Variants in PTPRM observed in about 807,000 individuals in gnomAD.
PTPRM encodes protein tyrosine phosphatase receptor type M.
In PTPRM, 47 loss-of-function variants were observed where a neutral mutation model predicts 186.7. That is an observed-to-expected ratio of 0.25 (90% CI 0.20 to 0.32). The LOEUF (loss-of-function observed/expected upper bound fraction) is 0.32, where lower values mean the gene tolerates loss of function less well. Among genes scored for constraint, PTPRM ranks in the 10% least tolerant of loss-of-function variants. The pLI is 1.00. For missense variants in PTPRM, 1,494 were observed against 1,865.0 expected (o/e 0.80, Z 3.66); for synonymous variants, 668 against 674.9 (o/e 0.99, Z 0.16).
chr18:8,105,248 C>T (rs934473788), intron 11 of PTPRM, among the ~76,000 whole-genome samples: 1 of 152,118 alleles, frequency 6.6e-6, no homozygotes, highest in Admixed American at 6.6e-5. Context: ...TGCCAGATCC[C>T]TTACTATCAC....
intron 4 of PTPRM, among the ~76,000 whole-genome samples, chr18:7,920,440 A>T (rs2050792896): frequency 6.6e-6 from 1 of 152,142 alleles, no homozygotes; most frequent in African/African-American, 2.4e-5. Context: ...CTTATCTTTG[A>T]TGACAAATAA....
intron 1 of PTPRM, among the ~76,000 whole-genome samples, chr18:7,619,581 A>G (rs921129559): frequency 3.3e-5 from 5 of 152,206 alleles, no homozygotes; most frequent in African/African-American, 1.2e-4. Context: ...GCTTTAAGAA[A>G]TCACTTGTTG....
At chr18:7,772,450 CTTCCTTCCTTCCTTCCTTCCTT>C (rs1568109206) in intron 1 of PTPRM, among the ~76,000 whole-genome samples, 2 of 27,020 alleles carry the variant, frequency 7.4e-5, no homozygotes, top group African/African-American at 2.2e-4. Context: ...CTTCCCCTTC[CTTCCTTCCTTCCTTCCTTCCTT>C]CCTTCCTTCC....
At chr18:8,291,708 A>G (rs2095044977) in intron 19 of PTPRM, among the ~76,000 whole-genome samples, 1 of 152,232 alleles carries the variant, frequency 6.6e-6, no homozygotes, top group Admixed American at 6.5e-5. Flanking sequence ...TTATTAAAAG[A>G]TATTTAAAAG....
At chr18:8,232,362 C>T (rs1319862101) in intron 14 of PTPRM, among the ~76,000 whole-genome samples, 1 of 152,146 alleles carries the variant, frequency 6.6e-6, no homozygotes, top group Non-Finnish European at 1.5e-5. Flanking sequence ...TATTGAAGGA[C>T]AGCTTGGTTT....
intron 22 of PTPRM, among the ~76,000 whole-genome samples, chr18:8,320,968 A>G (rs2095342157): frequency 6.6e-6 from 1 of 152,132 alleles, no homozygotes; most frequent in South Asian, 2.1e-4. Flanking sequence ...GCTCTTACAT[A>G]TGGGATAGAA....
At chr18:8,320,512 G>A (rs2095339163) in intron 22 of PTPRM, among the ~76,000 whole-genome samples, 1 of 152,178 alleles carries the variant, frequency 6.6e-6, no homozygotes, top group Admixed American at 6.5e-5. Flanking sequence ...TGTGGCTCCT[G>A]CATACTTGAA....
chr18:8,378,488 G>T, intron 27 of PTPRM, 74 bp downstream of exon 27: 1 of 1,533,388 alleles, frequency 6.5e-7, no homozygotes, highest in Non-Finnish European at 8.9e-7. Context: ...CAGCACCTGA[G>T]TGAGCCCTTG....
At chr18:7,749,896 A>C (rs1046602916) in intron 1 of PTPRM, among the ~76,000 whole-genome samples, 1 of 152,204 alleles carries the variant, frequency 6.6e-6, no homozygotes, top group Admixed American at 6.5e-5. Context: ...ACAAGCATTT[A>C]AAAAATTCAG....
In PTPRM at chr18:7,706,984, T is replaced by C. The variant is rs529843528; in HGVS notation, c.74-67165T>C. On this transcript the variant is annotated intron_variant, in intron 1 of 32. Transcript: ENST00000580170. ...TGGGGGATAGGGGTGAGTTGGGGTG[T>C]GGACATGAAACAAATACAAACATTG... Among the ~76,000 whole-genome samples the C allele has an allele frequency of 3.3e-5, 5 of 152,166 alleles. No individual in the cohort carries two copies. The South Asian group carries it at 1.0e-3, about 32-fold the overall frequency.
At chr18:8,301,490 G>A (rs2095157420) in intron 20 of PTPRM, among the ~76,000 whole-genome samples, 1 of 152,202 alleles carries the variant, frequency 6.6e-6, no homozygotes, top group South Asian at 2.1e-4. Flanking sequence ...TCTAGGGACT[G>A]GCAATTGGAG....
chr18:7,579,771 G>C (rs1293363489), intron 1 of PTPRM, among the ~76,000 whole-genome samples: 1 of 152,192 alleles, frequency 6.6e-6, no homozygotes, highest in East Asian at 1.9e-4. Flanking sequence ...GATCTGCAAA[G>C]TATTTTGGGA....
intron 7 of PTPRM, among the ~76,000 whole-genome samples, chr18:8,039,197 T>G (rs1373172779): frequency 6.6e-6 from 1 of 152,172 alleles, no homozygotes; most frequent in Non-Finnish European, 1.5e-5. Flanking sequence ...TATATTATTT[T>G]ATATGCATAT....
At chr18:8,312,113 C>T (rs192988434) in intron 20 of PTPRM, among the ~76,000 whole-genome samples, 15 of 152,314 alleles carry the variant, frequency 9.8e-5, no homozygotes, top group African/African-American at 3.1e-4. Context: ...GAGGAGCTGA[C>T]GAAAGCCCAG....
chr18:8,162,615 G>T (rs523927), intron 14 of PTPRM, among the ~76,000 whole-genome samples: 5,726 of 152,232 alleles, frequency 0.038, 174 homozygotes, highest in Non-Finnish European at 0.061. Context: ...GGTGACCAAG[G>T]CCGGAGACCC....
At chr18:8,307,012 T>C (rs2147971752) in intron 20 of PTPRM, among the ~76,000 whole-genome samples, 1 of 152,358 alleles carries the variant, frequency 6.6e-6, no homozygotes, top group East Asian at 1.9e-4. Context: ...ATCCATATAC[T>C]GATTTATTTG....
intron 7 of PTPRM, among the ~76,000 whole-genome samples, chr18:8,002,354 G>T (rs1208539629): frequency 6.6e-6 from 1 of 152,180 alleles, no homozygotes; most frequent in African/African-American, 2.4e-5. Context: ...TTCCTTACCA[G>T]GTATGATTTG....
At chr18:7,889,974 C>T (rs1203285244) in intron 3 of PTPRM, among the ~76,000 whole-genome samples, 1 of 152,222 alleles carries the variant, frequency 6.6e-6, no homozygotes, top group Non-Finnish European at 1.5e-5. Flanking sequence ...GGTACCAAAG[C>T]AGTTCTGACG....
intron 19 of PTPRM, among the ~76,000 whole-genome samples, chr18:8,283,104 G>GT (rs1281017694): frequency 3.9e-5 from 6 of 151,916 alleles, no homozygotes; most frequent in Non-Finnish European, 7.4e-5. Context: ...CCACAAGGAA[G>GT]TTTTTTTGTG....
Sources: allele counts gnomAD v4.1 joint callset (sites outside exome capture counted in the v4.1 genomes callset), GRCh38; gene constraint gnomAD v4.1.1; transcripts MANE v1.5; gene names NCBI Gene and HGNC (gene_info 2026-07-23, HGNC 2026-07-21).